Variants in KCNB2 observed in about 807,000 individuals in gnomAD.
The protein encoded by KCNB2 is delayed rectifier potassium channel protein.
KCNB2 carries 15 observed loss-of-function variants against 61.5 expected under a neutral mutation model. The observed-to-expected ratio is 0.24, with a 90% CI of 0.16 to 0.38. The LOEUF is 0.38. KCNB2 is among the 10% of genes least tolerant of loss of function. The probability of loss-of-function intolerance (pLI) is 1.00; values close to 1 mark genes in which losing one functional copy is unlikely to be tolerated. For synonymous variants in KCNB2, 457 were observed against 446.0 expected (o/e 1.02, Z -0.31); for missense variants, 828 against 1,125.2 (o/e 0.74, Z 3.78).
At chr8:72,912,054 G>A (rs146166173) in intron 2 of KCNB2, among the ~76,000 whole-genome samples, 21 of 152,234 alleles carry the variant, frequency 1.4e-4, no homozygotes, top group East Asian at 7.7e-4. Flanking sequence ...AATATCTCAC[G>A]TCATTCACTT....
chr8:72,703,609 G>C (rs989783989), intron 2 of KCNB2, among the ~76,000 whole-genome samples: 1 of 152,176 alleles, frequency 6.6e-6, no homozygotes, highest in African/African-American at 2.4e-5. Context: ...AGAGCTGCTG[G>C]TTGCATGTAC....
At chr8:72,644,234 T>C (rs1233995909) in intron 2 of KCNB2, among the ~76,000 whole-genome samples, 1 of 151,892 alleles carries the variant, frequency 6.6e-6, no homozygotes, top group Non-Finnish European at 1.5e-5. Flanking sequence ...TAAACCCTGA[T>C]TTTAAAAAGT....
chr8:72,706,718 G>C (rs1563565667), intron 2 of KCNB2, among the ~76,000 whole-genome samples: 1 of 152,156 alleles, frequency 6.6e-6, no homozygotes, highest in Non-Finnish European at 1.5e-5. Context: ...GATAATTTTT[G>C]TGTACTATAA....
intron 2 of KCNB2, among the ~76,000 whole-genome samples, chr8:72,683,496 C>T (rs1806797335): frequency 6.6e-6 from 1 of 152,144 alleles, no homozygotes; most frequent in African/African-American, 2.4e-5. Flanking sequence ...TAGGCTAACT[C>T]GTAGGATCTG....
At chr8:72,908,150 T>A (rs1351521571) in intron 2 of KCNB2, among the ~76,000 whole-genome samples, 1 of 152,194 alleles carries the variant, frequency 6.6e-6, no homozygotes, top group Non-Finnish European at 1.5e-5. Context: ...GCTCCTCTTT[T>A]GTGCATGCAC....
In KCNB2 at chr8:72,673,325, T is replaced by A. The variant is rs561283642; in HGVS notation, c.579+105012T>A. 2.0e-5 allele frequency among the ~76,000 whole-genome samples: 3 copies of A among 152,296 alleles called. No homozygotes were observed. The South Asian group carries it at 6.2e-4, about 32-fold the overall frequency. The stretch of plus-strand genomic sequence containing the variant: ...CATGGGAGCAGTTTCCCCCGTCCTG[T>A]TCTTGTGATAGTGAGTTAGTTCTCA... On this transcript the variant is annotated intron_variant, in intron 2 of 2. Transcript: ENST00000523207.
At chr8:72,684,143 A>C (rs1806809117) in intron 2 of KCNB2, among the ~76,000 whole-genome samples, 1 of 152,214 alleles carries the variant, frequency 6.6e-6, no homozygotes, top group South Asian at 2.1e-4. Context: ...AGATACTTAT[A>C]ATCTACAGGG....
intron 2 of KCNB2, among the ~76,000 whole-genome samples, chr8:72,761,048 A>T (rs1808370738): frequency 6.6e-6 from 1 of 152,172 alleles, no homozygotes; most frequent in South Asian, 2.1e-4. Flanking sequence ...ACAACCTCAG[A>T]TTCTCAAAAA....
intron 2 of KCNB2, among the ~76,000 whole-genome samples, chr8:72,869,110 C>T (rs1805577832): frequency 6.6e-6 from 1 of 152,198 alleles, no homozygotes; most frequent in South Asian, 2.1e-4. Context: ...AGAGGAAACG[C>T]ATCTAGCTCA....
chr8:72,710,708 G>A (rs376429923), intron 2 of KCNB2, among the ~76,000 whole-genome samples: 12 of 152,070 alleles, frequency 7.9e-5, no homozygotes, highest in African/African-American at 2.2e-4. Context: ...TATGTATTAC[G>A]TTACCTCCTT....
intron 2 of KCNB2, among the ~76,000 whole-genome samples, chr8:72,697,775 T>G (rs1807041930): frequency 6.6e-6 from 1 of 152,196 alleles, no homozygotes; most frequent in South Asian, 2.1e-4. Context: ...AAAATGATTT[T>G]TTTTCTAACA....
chr8:72,609,269 A>G (rs1482882872), intron 2 of KCNB2, among the ~76,000 whole-genome samples: 1 of 152,208 alleles, frequency 6.6e-6, no homozygotes, highest in Non-Finnish European at 1.5e-5. Context: ...CATGTAGCAC[A>G]TAGGACAATA....
At chr8:72,889,108 A>G (rs909376938) in intron 2 of KCNB2, among the ~76,000 whole-genome samples, 2 of 152,108 alleles carry the variant, frequency 1.3e-5, no homozygotes, top group Non-Finnish European at 2.9e-5. Flanking sequence ...GCATTACCCC[A>G]TGCTTCTTAG....
chr8:72,566,359 A>G (rs1806625318), intron 1 of KCNB2, among the ~76,000 whole-genome samples: 1 of 152,190 alleles, frequency 6.6e-6, no homozygotes, highest in South Asian at 2.1e-4. Flanking sequence ...AATGGTTTTT[A>G]GGTGGACAAA....
chr8:72,834,282 A>G (rs1245566838), intron 2 of KCNB2, among the ~76,000 whole-genome samples: 1 of 152,196 alleles, frequency 6.6e-6, no homozygotes, highest in East Asian at 1.9e-4. Flanking sequence ...AGGAAGAAAC[A>G]TCTGACCCTG....
intron 2 of KCNB2, among the ~76,000 whole-genome samples, chr8:72,641,772 C>A (rs575978149): frequency 6.6e-6 from 1 of 152,214 alleles, no homozygotes; most frequent in African/African-American, 2.4e-5. Flanking sequence ...TGAATACAGT[C>A]ATATTACCTA....
intron 2 of KCNB2, among the ~76,000 whole-genome samples, chr8:72,800,514 G>A (rs1269586382): frequency 1.8e-4 from 27 of 152,116 alleles, no homozygotes. Flanking sequence ...CTCTGTGTTT[G>A]TAAAGAATCC....
chr8:72,896,203 A>C (rs1805985462), intron 2 of KCNB2, among the ~76,000 whole-genome samples: 1 of 152,168 alleles, frequency 6.6e-6, no homozygotes, highest in African/African-American at 2.4e-5. Context: ...AGTTTCAGCC[A>C]GTCCCTCTTC....
intron 2 of KCNB2, among the ~76,000 whole-genome samples, chr8:72,841,868 T>A (rs1483784740): frequency 1.3e-5 from 2 of 152,238 alleles, no homozygotes; most frequent in African/African-American, 4.8e-5. Flanking sequence ...AATCATGTCA[T>A]CTGCAAACAG....
Sources: allele counts gnomAD v4.1 joint callset (sites outside exome capture counted in the v4.1 genomes callset), GRCh38; gene constraint gnomAD v4.1.1; transcripts MANE v1.5; gene names NCBI Gene and HGNC (gene_info 2026-07-23, HGNC 2026-07-21).